NRXN3: variants seen among roughly 807,000 people sequenced by gnomAD.
NRXN3 encodes the protein neurexin 3.
NRXN3 carries 32 observed loss-of-function variants against 137.6 expected under a neutral mutation model. The observed-to-expected ratio is 0.23, with a 90% CI of 0.18 to 0.31. The LOEUF (loss-of-function observed/expected upper bound fraction) is 0.31, where lower values mean the gene tolerates loss of function less well. Among genes scored for constraint, NRXN3 ranks in the 10% least tolerant of loss-of-function variants. NRXN3 has a pLI of 1.00. For missense variants in NRXN3, 1,574 were observed against 2,062.5 expected (o/e 0.76, Z 4.59); for synonymous variants, 798 against 784.5 (o/e 1.02, Z -0.29).
chr14:78,396,292 A>G (rs1040332688), intron 4 of NRXN3, among the ~76,000 whole-genome samples: 1 of 152,046 alleles, frequency 6.6e-6, no homozygotes, highest in African/African-American at 2.4e-5. Context: ...CCCTATTTAT[A>G]ATTTTAAATA....
intron 16 of NRXN3, among the ~76,000 whole-genome samples, chr14:79,562,444 G>C (rs760661834): frequency 2.6e-5 from 4 of 152,022 alleles, no homozygotes; most frequent in Non-Finnish European, 5.9e-5. Flanking sequence ...GATCTCAATG[G>C]CATTTGGCAC....
At chr14:79,559,774 G>A (rs2097471173) in intron 16 of NRXN3, among the ~76,000 whole-genome samples, 1 of 152,138 alleles carries the variant, frequency 6.6e-6, no homozygotes, top group Admixed American at 6.5e-5. Context: ...AATGATGTTT[G>A]CTTGTAGTTT....
At chr14:79,786,796 T>C (rs1444484945) in intron 19 of NRXN3, among the ~76,000 whole-genome samples, 1 of 152,222 alleles carries the variant, frequency 6.6e-6, no homozygotes, top group Admixed American at 6.5e-5. Context: ...TAGATGTTTA[T>C]CTTAATGGAC....
At chr14:79,824,497 G>A (rs765250032) in intron 20 of NRXN3, among the ~76,000 whole-genome samples, 5 of 151,922 alleles carry the variant, frequency 3.3e-5, no homozygotes, top group South Asian at 4.1e-4. Context: ...TACCCTTTCC[G>A]TTGTGGAAGG....
At chr14:78,331,134 A>G (rs562287795) in intron 4 of NRXN3, among the ~76,000 whole-genome samples, 1 of 152,304 alleles carries the variant, frequency 6.6e-6, no homozygotes, top group South Asian at 2.1e-4. Flanking sequence ...TACAAAGCCC[A>G]GTTTGAGAAA....
At chr14:79,788,103 G>A (rs1603501670) in intron 19 of NRXN3, among the ~76,000 whole-genome samples, 2 of 152,192 alleles carry the variant, frequency 1.3e-5, no homozygotes, top group Admixed American at 6.5e-5. Flanking sequence ...CAGAAGAAGA[G>A]CAAAGGCACA....
intron 16 of NRXN3, among the ~76,000 whole-genome samples, chr14:79,565,389 C>T (rs567634977): frequency 1.5e-5 from 2 of 134,674 alleles, no homozygotes; most frequent in East Asian, 2.0e-4. Flanking sequence ...ATATGTAATG[C>T]TAACAAAAAA....
chr14:78,432,021 G>A (rs1315067327), intron 4 of NRXN3, among the ~76,000 whole-genome samples: 1 of 152,146 alleles, frequency 6.6e-6, no homozygotes. Context: ...GCCATTATGG[G>A]GGAGGAAAAG....
intron 10 of NRXN3, among the ~76,000 whole-genome samples, chr14:78,907,687 T>A (rs995480471): frequency 1.3e-5 from 2 of 152,066 alleles, no homozygotes; most frequent in Non-Finnish European, 2.9e-5. Context: ...AAGTTTGTTA[T>A]GTAGGTAAAC....
chr14:78,708,497 T>G (rs17108086), intron 6 of NRXN3: 51,356 of 151,952 alleles, frequency 0.34, 10,671 homozygotes, highest in African/African-American at 0.59. Flanking sequence ...TTCTTTCAAG[T>G]AATATATCCA....
chr14:78,588,786 C>T (rs774137139), intron 4 of NRXN3, among the ~76,000 whole-genome samples: 7 of 152,138 alleles, frequency 4.6e-5, no homozygotes, highest in Non-Finnish European at 1.0e-4. Flanking sequence ...GTCCCTTGTC[C>T]GCCCCATATC....
At chr14:78,355,066 AT>A (rs2084075490) in intron 4 of NRXN3, among the ~76,000 whole-genome samples, 1 of 152,198 alleles carries the variant, frequency 6.6e-6, no homozygotes, top group Non-Finnish European at 1.5e-5. Flanking sequence ...CCTTTTGAAA[AT>A]TATCCATTAA....
intron 4 of NRXN3, among the ~76,000 whole-genome samples, chr14:78,424,452 A>C (rs1428234102): frequency 6.6e-6 from 1 of 152,194 alleles, no homozygotes; most frequent in Non-Finnish European, 1.5e-5. Context: ...TGTTGGAACA[A>C]AGCAAAATAT....
At chr14:79,390,929 G>A (rs889200967) in intron 15 of NRXN3, among the ~76,000 whole-genome samples, 14 of 152,056 alleles carry the variant, frequency 9.2e-5, no homozygotes, top group Admixed American at 9.2e-4. Context: ...AGAGTGGCTT[G>A]TTCTAAAAGG....
intron 8 of NRXN3, among the ~76,000 whole-genome samples, chr14:78,742,107 A>G (rs1449068074): frequency 6.6e-6 from 1 of 152,144 alleles, no homozygotes; most frequent in Non-Finnish European, 1.5e-5. Context: ...CCTGAGAATT[A>G]CCTTTCTTAG....
chr14:79,139,596 G>T (rs1316494211), intron 15 of NRXN3, among the ~76,000 whole-genome samples: 6 of 152,028 alleles, frequency 3.9e-5, no homozygotes, highest in African/African-American at 1.4e-4. Flanking sequence ...GACTTGCTGC[G>T]AGTGTGTCAC....
At chr14:79,231,386 G>T (rs537641163) in intron 15 of NRXN3, among the ~76,000 whole-genome samples, 28 of 152,284 alleles carry the variant, frequency 1.8e-4, no homozygotes, top group African/African-American at 6.0e-4. Context: ...GCCTATTAGT[G>T]TCATAGTGAT....
intron 15 of NRXN3, among the ~76,000 whole-genome samples, chr14:79,256,353 T>C (rs2076585798): frequency 6.6e-6 from 1 of 152,256 alleles, no homozygotes; most frequent in South Asian, 2.1e-4. Flanking sequence ...CTAATCATAA[T>C]TACTGTTGTC....
chr14:78,727,914 G>A (rs1427048730), intron 8 of NRXN3, among the ~76,000 whole-genome samples: 1 of 152,146 alleles, frequency 6.6e-6, no homozygotes, highest in South Asian at 2.1e-4. Context: ...TGATTTTGAC[G>A]AGTGTCAGCT....
Sources: gnomAD v4.1 joint callset for allele counts (sites outside exome capture counted in the v4.1 genomes callset) on GRCh38, gnomAD v4.1.1 for gene constraint, MANE v1.5 for transcripts, NCBI Gene and HGNC (gene_info 2026-07-23, HGNC 2026-07-21) for gene names.